POLR2F: variants seen among roughly 807,000 people sequenced by gnomAD.
The protein encoded by POLR2F is DNA-directed RNA polymerases I, II, and III subunit RPABC2.
A neutral mutation model predicts 22.7 loss-of-function variants in POLR2F; 12 were observed. The observed-to-expected ratio is 0.53, with a 90% CI of 0.34 to 0.86. POLR2F has a LOEUF of 0.86. POLR2F is among the 40% of genes least tolerant of loss of function. The pLI, the probability that POLR2F is intolerant of heterozygous loss-of-function variation, is 0.02. For synonymous variants in POLR2F, 57 were observed against 66.0 expected, an observed-to-expected ratio of 0.86 and a Z score of 0.66; for missense variants, 126 against 171.5, an observed-to-expected ratio of 0.73 and a Z score of 1.48.
chr22:37,977,730 G>A, intron 4 of POLR2F: 1 of 935,298 alleles, frequency 1.1e-6, no homozygotes, highest in South Asian at 1.6e-5. Flanking sequence ...GCTCCCTCTG[G>A]GCCCCTGCAG....
intron 1 of POLR2F, among the ~76,000 whole-genome samples, chr22:37,995,314 A>G (rs1401466677): frequency 6.6e-6 from 1 of 152,166 alleles, no homozygotes; most frequent in African/African-American, 2.4e-5. Context: ...GCTGAACCTC[A>G]GTGATCAGAG....
rs1300210350 is a variant in POLR2F, at chr22:37,997,763, TGCCCCGG to T, written c.120+11453_120+11459del. Among the ~76,000 whole-genome samples the T allele has an allele frequency of 1.3e-5, 2 of 152,124 alleles. No individual in the cohort carries two copies. Among genetic ancestry groups the T allele is most frequent in the Non-Finnish European group, 2.9e-5 (2 of 68,016 alleles). ...TTCCCATTTCCAGCTTCCCTGAGACTGCCCCGGGGCCCTTTCTCTGGCTGTCCCAGGG... is the reference window on the plus strand; with the variant it reads ...TTCCCATTTCCAGCTTCCCTGAGACTGGCCCTTTCTCTGGCTGTCCCAGGG... On this transcript the variant is annotated intron_variant, in intron 1 of 2. Coordinates refer to the POLR2F transcript ENST00000333418. This position sits in a 1 kb window ranked among gnomAD's most constrained non-coding sequence, Gnocchi z 4.4.
intron 1 of POLR2F, among the ~76,000 whole-genome samples, chr22:38,002,227 A>T (rs2084777999): frequency 6.6e-6 from 1 of 152,044 alleles, no homozygotes; most frequent in Admixed American, 6.6e-5. Flanking sequence ...TTGGGCCACA[A>T]AAGTGCTTAA....
intron 5 of POLR2F, among the ~76,000 whole-genome samples, chr22:38,038,840 G>A (rs1255533354): frequency 6.6e-6 from 1 of 150,880 alleles, no homozygotes; most frequent in Non-Finnish European, 1.5e-5. Flanking sequence ...GGCGGCCGCG[G>A]CGCCCTCCCT....
At chr22:37,989,896 C>T (rs545276646) in intron 1 of POLR2F, among the ~76,000 whole-genome samples, 1 of 152,204 alleles carries the variant, frequency 6.6e-6, no homozygotes, top group Non-Finnish European at 1.5e-5. Context: ...TGCCTGCTGG[C>T]GGTCTAGGCA....
upstream of POLR2F, chr22:37,983,335 C>CG (rs776430557): frequency 8.8e-6 from 14 of 1,595,790 alleles, no homozygotes; most frequent in South Asian, 1.1e-5. This position sits in a 1 kb window ranked among gnomAD's most constrained non-coding sequence, Gnocchi z 9.5. Context: ...GGCCCGAGCC[C>CG]GGGGGGCGGT....
chr22:38,003,715 T>C (rs1002517926), intron 1 of POLR2F, among the ~76,000 whole-genome samples: 1 of 151,908 alleles, frequency 6.6e-6, no homozygotes, highest in Non-Finnish European at 1.5e-5. Flanking sequence ...TAGCTGGGAT[T>C]ACTGGTGCGC....
At position 37,997,709 on chromosome 22, in the gene POLR2F, G is replaced by A. The variant is rs752489574; in HGVS notation, c.120+11397G>A. On this transcript the variant is annotated intron_variant, in intron 1 of 2. Transcript: ENST00000333418. The surrounding 1 kb of genome is among the most constrained non-coding windows in gnomAD (Gnocchi z 4.4). ...CCCTGGGTCACCCTGCCCCTCCCTCGTGCCTGTGCCCAGCTCCGCATCTCC... is the reference window on the plus strand; with the variant it reads ...CCCTGGGTCACCCTGCCCCTCCCTCATGCCTGTGCCCAGCTCCGCATCTCC... Among the ~76,000 whole-genome samples the A allele has an allele frequency of 8.6e-5, 13 of 151,980 alleles. No homozygotes were observed. Among genetic ancestry groups the A allele is most frequent in the East Asian group, 1.9e-4 (1 of 5,178 alleles).
chr22:37,963,005 GAGA>G (rs1931709289), intron 3 of POLR2F, among the ~76,000 whole-genome samples: 1 of 142,222 alleles, frequency 7.0e-6, no homozygotes, highest in Non-Finnish European at 1.5e-5. Context: ...ATTTTTTTTT[GAGA>G]AGGAGTCTCA....
rs1931916364 is a variant in POLR2F at position 37,967,765 on chromosome 22, T to C, written c.*50T>C. 1 of 1,576,408 alleles carries C rather than the reference T, an allele frequency of 6.3e-7. No homozygotes were observed. Among genetic ancestry groups the C allele is most frequent in the African/African-American group, 1.4e-5 (1 of 73,216 alleles). ...CCCCATGCCCAATTTTCATTCTCACTTTATATGTGTAAATAATAAAATATT... is the reference window on the plus strand; with the variant it reads ...CCCCATGCCCAATTTTCATTCTCACCTTATATGTGTAAATAATAAAATATT... On this transcript the variant is annotated 3_prime_UTR_variant, in exon 5 of 5. Transcript: ENST00000442738.
intron 4 of POLR2F, among the ~76,000 whole-genome samples, chr22:37,977,210 G>C (rs1484702772): frequency 6.6e-6 from 1 of 150,718 alleles, no homozygotes; most frequent in Non-Finnish European, 1.5e-5. Context: ...AAGAGGCAGT[G>C]ATTTCCTCTC....
At position 37,953,806 on chromosome 22, in the gene POLR2F, A is replaced by G. The variant is rs1314030498; in HGVS notation, c.19A>G (p.Asn7Asp). ...GGGTGTCATGTCAGACAACGAGGAC[A>G]AGTGAGTGCGGGAGCGGAGTGGCCT... MSDNED[N>D]FDGDDFDDVE... is the part of the protein sequence containing the mutation. Residue 7 changes from asparagine (N) to aspartate (D), a missense_variant and splice_region_variant, in exon 1 of 5, where the codon AAT becomes GAT. Physicochemically the swap from Asn to Asp is conservative, Grantham distance 23. Transcript: ENST00000442738. 6.2e-7 allele frequency: 1 copy of G among 1,609,786 alleles called. No individual in the cohort carries two copies. Among genetic ancestry groups the G allele is most frequent in the Admixed American group, 1.7e-5 (1 of 59,446 alleles).
downstream of POLR2F, among the ~76,000 whole-genome samples, chr22:38,029,371 T>C (rs982900869): frequency 1.4e-4 from 21 of 152,170 alleles, no homozygotes; most frequent in African/African-American, 4.8e-4. Context: ...CCTAAGCTTG[T>C]TGGGCACCAG....
At chr22:37,989,277 A>G (rs1271372985) in intron 1 of POLR2F, among the ~76,000 whole-genome samples, 1 of 152,180 alleles carries the variant, frequency 6.6e-6, no homozygotes, top group African/African-American at 2.4e-5. Context: ...ATAAGAATAC[A>G]CACACACATC....
At position 37,953,740 on chromosome 22, in the gene POLR2F, T is replaced by G. The variant is rs1400064213; in HGVS notation, c.-48T>G. ...GAGTCGTAGTGTCGCTGTTTGCGGG[T>G]CTCCGCGCGGGACCGGGGCGCAGCG... On this transcript the variant is annotated 5_prime_UTR_variant, in exon 1 of 5. Transcript: ENST00000442738. 9 of 1,594,350 alleles carry G rather than the reference T, an allele frequency of 5.6e-6. No homozygotes were observed. In the East Asian group the frequency reaches 1.6e-4, roughly 28 times the overall value.
At chr22:38,010,182 C>G (rs1439803460) in intron 1 of POLR2F, among the ~76,000 whole-genome samples, 1 of 152,098 alleles carries the variant, frequency 6.6e-6, no homozygotes, top group Admixed American at 6.6e-5. Flanking sequence ...CAAGGCCAGC[C>G]TGGACAACAT....
intron 2 of POLR2F, among the ~76,000 whole-genome samples, chr22:37,958,634 A>G (rs1931500778): frequency 6.6e-6 from 1 of 152,056 alleles, no homozygotes; most frequent in Non-Finnish European, 1.5e-5. Flanking sequence ...CTCCTTCCTC[A>G]TTGGTTTGAC....
intron 1 of POLR2F, among the ~76,000 whole-genome samples, chr22:37,991,445 A>T (rs1315917925): frequency 2.0e-5 from 3 of 152,212 alleles, no homozygotes; most frequent in African/African-American, 4.8e-5. Context: ...AATTTTTTTT[A>T]AACTGTTTAA....
chr22:37,998,797 G>A (rs1201530075), intron 1 of POLR2F, among the ~76,000 whole-genome samples: 2 of 151,996 alleles, frequency 1.3e-5, no homozygotes, highest in Non-Finnish European at 2.9e-5. Context: ...CTCAAGCACT[G>A]ATCGACTCCC....
Sources: gnomAD v4.1 joint callset for allele counts (sites outside exome capture counted in the v4.1 genomes callset) on GRCh38, gnomAD v4.1.1 for gene constraint, Gnocchi (gnomAD v3.1) non-coding constraint, MANE v1.5 for transcripts, NCBI Gene and HGNC (gene_info 2026-07-23, HGNC 2026-07-21) for gene names.